MEGF11: variants seen among roughly 807,000 people sequenced by gnomAD.
MEGF11 encodes multiple epidermal growth factor-like domains protein 11.
A neutral mutation model predicts 146.6 loss-of-function variants in MEGF11; 126 were observed. That is an observed-to-expected ratio of 0.86 (90% CI 0.74 to 1.00). The LOEUF is 1.00. Among genes scored for constraint, MEGF11 ranks in the 50% least tolerant of loss-of-function variants. The probability of loss-of-function intolerance (pLI) is 0.00; values close to 1 mark genes in which losing one functional copy is unlikely to be tolerated. For missense variants in MEGF11, 1,509 were observed against 1,521.2 expected, an observed-to-expected ratio of 0.99 and a Z score of 0.13; for synonymous variants, 532 against 583.4, an observed-to-expected ratio of 0.91 and a Z score of 1.27.
At chr15:66,247,282 C>T (rs1336717359) in intron 1 of MEGF11, among the ~76,000 whole-genome samples, 2 of 152,068 alleles carry the variant, frequency 1.3e-5, no homozygotes, top group African/African-American at 4.8e-5. Flanking sequence ...CTCACATGTC[C>T]CCTGCATTAG....
chr15:66,128,747 G>A (rs1346872851), intron 1 of MEGF11, among the ~76,000 whole-genome samples: 2 of 152,088 alleles, frequency 1.3e-5, no homozygotes, highest in Non-Finnish European at 1.5e-5. Context: ...CCCATCCTTG[G>A]ACCCAGGGAC....
intron 1 of MEGF11, among the ~76,000 whole-genome samples, chr15:66,159,261 C>T (rs911147156): frequency 1.3e-5 from 2 of 152,202 alleles, no homozygotes; most frequent in African/African-American, 2.4e-5. Context: ...GCCCAGAGGG[C>T]CTTGTCTTCC....
At chr15:66,165,893 G>A (rs2090084417) in intron 1 of MEGF11, among the ~76,000 whole-genome samples, 2 of 152,142 alleles carry the variant, frequency 1.3e-5, no homozygotes. Flanking sequence ...ACCCAGGACA[G>A]ACCGTGCCCA....
chr15:66,219,423 AG>A (rs1300257337), intron 1 of MEGF11, among the ~76,000 whole-genome samples: 1 of 152,248 alleles, frequency 6.6e-6, no homozygotes, highest in African/African-American at 2.4e-5. Flanking sequence ...TTCACCAAAG[AG>A]GACATACAGA....
Position 65,898,783 on chromosome 15 carries a change from A to G in MEGF11, c.3207T>C (p.Ser1069=). The change falls in exon 25 of 26, where the codon TCT becomes TCC. Residue 1069 remains serine, a synonymous_variant. Transcript: ENST00000395614. Reference sequence around the variant, plus strand: ...ACAAGGATGGCACATCTGTGTACGGAGACCCCATGTGCACAGGCGACTTCA... The same window carrying G: ...ACAAGGATGGCACATCTGTGTACGGGGACCCCATGTGCACAGGCGACTTCA... ...VEMKSPVHMG[S]PYTDVPSLST... The G allele has an allele frequency of 6.2e-7, 1 of 1,613,964 alleles. No individual in the cohort carries two copies. Among genetic ancestry groups the G allele is most frequent in the Non-Finnish European group, 8.5e-7 (1 of 1,179,866 alleles).
intron 4 of MEGF11, among the ~76,000 whole-genome samples, chr15:66,116,450 A>G (rs534257752): frequency 6.6e-6 from 1 of 152,232 alleles, no homozygotes; most frequent in South Asian, 2.1e-4. Context: ...GCATACTCTA[A>G]GTCCCCTCCT....
At chr15:66,098,116 A>G (rs1205600501) in intron 4 of MEGF11, among the ~76,000 whole-genome samples, 1 of 152,202 alleles carries the variant, frequency 6.6e-6, no homozygotes, top group African/African-American at 2.4e-5. Context: ...TGGCCCGGGA[A>G]CAAACGTGTT....
chr15:65,906,371 A>G (rs1235550266), intron 23 of MEGF11, among the ~76,000 whole-genome samples: 1 of 152,148 alleles, frequency 6.6e-6, no homozygotes, highest in African/African-American at 2.4e-5. Flanking sequence ...GGAATTATTA[A>G]AAGGCTCATA....
At chr15:66,181,481 T>C (rs1462180597) in intron 1 of MEGF11, among the ~76,000 whole-genome samples, 1 of 152,200 alleles carries the variant, frequency 6.6e-6, no homozygotes, top group Non-Finnish European at 1.5e-5. Context: ...GCTTTTTATT[T>C]AGCCACATAA....
chr15:66,227,346 C>G (rs1027152865), intron 1 of MEGF11, among the ~76,000 whole-genome samples: 2 of 152,004 alleles, frequency 1.3e-5, no homozygotes, highest in African/African-American at 4.8e-5. Context: ...TAGTAAGCCC[C>G]AGTAAATTAG....
intron 24 of MEGF11, among the ~76,000 whole-genome samples, chr15:65,900,881 A>C (rs556609891): frequency 6.6e-6 from 1 of 152,232 alleles, no homozygotes; most frequent in African/African-American, 2.4e-5. Flanking sequence ...CTCAGCTAGC[A>C]CCAGCAAGGC....
In MEGF11 at chr15:66,183,774, G is replaced by A. The variant is rs149832426; in HGVS notation, c.-8-55363C>T. ...TGAGTCAGGAGGGCTGGGCAGTGGG[G>A]ATGGGGCTGAGGGTGTGCCCTTCCA... On this transcript the variant is annotated intron_variant, in intron 1 of 25. Transcript: ENST00000395614. Among the ~76,000 whole-genome samples, 482 of 152,240 alleles carry A rather than the reference G, an allele frequency of 3.2e-3. 1 individual carries two copies. The highest frequency in any genetic ancestry group is 6.4e-3 in the South Asian group (31 of 4,820).
chr15:66,164,308 C>T (rs928421331), intron 1 of MEGF11, among the ~76,000 whole-genome samples: 1 of 152,202 alleles, frequency 6.6e-6, no homozygotes, highest in Admixed American at 6.5e-5. Flanking sequence ...GAGTGCTTTT[C>T]ACCTCATCAC....
chr15:66,158,176 A>T (rs921315660), intron 1 of MEGF11, among the ~76,000 whole-genome samples: 1 of 152,192 alleles, frequency 6.6e-6, no homozygotes, highest in Non-Finnish European at 1.5e-5. Flanking sequence ...AAATGTTTAA[A>T]ATCATTTTCA....
intron 8 of MEGF11, among the ~76,000 whole-genome samples, chr15:65,969,646 T>C (rs1464541979): frequency 6.6e-6 from 1 of 152,166 alleles, no homozygotes; most frequent in Non-Finnish European, 1.5e-5. Flanking sequence ...AATGGAGGGA[T>C]TCATTGGTTA....
chr15:66,240,104 C>G (rs55676767), intron 1 of MEGF11, among the ~76,000 whole-genome samples: 11,759 of 152,236 alleles, frequency 0.077, 521 homozygotes, highest in Middle Eastern at 0.099. Flanking sequence ...CCCCAGCCCC[C>G]CAATAAAGCA....
chr15:65,995,977 G>A (rs896022162), intron 5 of MEGF11, among the ~76,000 whole-genome samples: 2 of 152,138 alleles, frequency 1.3e-5, no homozygotes, highest in African/African-American at 2.4e-5. Flanking sequence ...GCACAGAGAG[G>A]TAAGGGACCT....
intron 1 of MEGF11, among the ~76,000 whole-genome samples, chr15:66,220,126 G>A (rs1402655127): frequency 6.6e-6 from 1 of 152,122 alleles, no homozygotes; most frequent in Admixed American, 6.5e-5. Flanking sequence ...TCTACAAGCA[G>A]CACAAAGGCC....
At chr15:66,184,325 C>A (rs1033209487) in intron 1 of MEGF11, among the ~76,000 whole-genome samples, 8 of 152,202 alleles carry the variant, frequency 5.3e-5, no homozygotes, top group Non-Finnish European at 8.8e-5. Flanking sequence ...TCAACCTGAG[C>A]TGAGCAGCTT....
Sources: gnomAD v4.1 joint callset for allele counts (sites outside exome capture counted in the v4.1 genomes callset) on GRCh38, gnomAD v4.1.1 for gene constraint, MANE v1.5 for transcripts, NCBI Gene and HGNC (gene_info 2026-07-23, HGNC 2026-07-21) for gene names.